The following LRBA variants were observed in gnomAD, a reference collection of about 807,000 sequenced individuals.
The protein encoded by LRBA is LPS responsive beige-like anchor protein.
In LRBA, 176 loss-of-function variants were observed where a neutral mutation model predicts 330.0. That is an observed-to-expected ratio of 0.53 (90% confidence interval 0.47 to 0.60). The LOEUF is 0.60. Ranked by LOEUF, LRBA falls within the 20% of genes least tolerant of loss-of-function variation. The pLI, the probability that LRBA is intolerant of heterozygous loss-of-function variation, is 0.00. For synonymous variants in LRBA, 1,230 were observed against 1,193.0 expected, an observed-to-expected ratio of 1.03 and a Z score of -0.64; for missense variants, 3,259 against 3,444.8, an observed-to-expected ratio of 0.95 and a Z score of 1.35.
chr4:150,406,967 A>T (rs1403188217), intron 47 of LRBA, among the ~76,000 whole-genome samples: 2 of 152,090 alleles, frequency 1.3e-5, no homozygotes, highest in Non-Finnish European at 2.9e-5. Flanking sequence ...TTTTTAGTAG[A>T]GATGGGGTTT....
At chr4:150,732,495 G>A (rs967668998) in intron 36 of LRBA, among the ~76,000 whole-genome samples, 3 of 151,890 alleles carry the variant, frequency 2.0e-5, no homozygotes, top group Non-Finnish European at 4.4e-5. Flanking sequence ...TCTCTCAACC[G>A]AAGAACGGAA....
chr4:150,879,806 G>A (rs1036228432), intron 17 of LRBA, among the ~76,000 whole-genome samples: 8 of 152,096 alleles, frequency 5.3e-5, no homozygotes, highest in African/African-American at 1.9e-4. Flanking sequence ...TTATTTTAAT[G>A]GCCATACTGC....
intron 34 of LRBA, among the ~76,000 whole-genome samples, chr4:150,781,869 T>C (rs576646633): frequency 3.3e-5 from 5 of 152,194 alleles, no homozygotes; most frequent in African/African-American, 4.8e-5. Flanking sequence ...CAGTGCCTAA[T>C]TCAATTTTCC....
rs770012357 is a variant in LRBA at position 151,014,488 on chromosome 4, G to T, written c.155C>A (p.Thr52Asn). Reference sequence around the variant, plus strand: ...TACTTCTCCAACTTCAACCAAACCGGTCAACACGGCAAATTTCATTCTGAT... The same window carrying T: ...TACTTCTCCAACTTCAACCAAACCGTTCAACACGGCAAATTTCATTCTGAT... Reference protein sequence around the residue: ...RGIRMKFAVLTGLVEVGEVSN... With the variant: ...RGIRMKFAVLNGLVEVGEVSN... Residue 52 changes from threonine to asparagine, a missense_variant, in exon 2 of 57, where the codon ACC becomes AAC. Physicochemically the swap from Thr to Asn is moderately conservative, Grantham distance 65. Transcript: ENST00000651943. 6 of 1,614,070 alleles carry T rather than the reference G, an allele frequency of 3.7e-6. No homozygotes were observed. In the East Asian group the frequency reaches 1.3e-4, roughly 36 times the overall value.
intron 37 of LRBA, among the ~76,000 whole-genome samples, chr4:150,645,329 GC>G (rs1262264135): frequency 6.6e-6 from 1 of 151,494 alleles, no homozygotes; most frequent in Non-Finnish European, 1.5e-5. Context: ...AGGCAAAACA[GC>G]CCATATATGG....
At chr4:150,728,744 A>G (rs956713165) in intron 36 of LRBA, among the ~76,000 whole-genome samples, 2 of 152,174 alleles carry the variant, frequency 1.3e-5, no homozygotes, top group Non-Finnish European at 2.9e-5. Context: ...AACCAGTATC[A>G]TACTGAATGG....
intron 53 of LRBA, among the ~76,000 whole-genome samples, chr4:150,295,122 G>C (rs1480701095): frequency 6.6e-6 from 1 of 151,556 alleles, no homozygotes; most frequent in Non-Finnish European, 1.5e-5. Context: ...CTAATATTTG[G>C]CAGCCTAGAG....
chr4:150,315,355 G>T, intron 51 of LRBA: 1 of 632,672 alleles, frequency 1.6e-6, no homozygotes, highest in Admixed American at 2.5e-5. Context: ...ACGCGTCCTA[G>T]GCCTGTTCAA....
chr4:150,834,510 GAA>G (rs1747697416), intron 28 of LRBA, among the ~76,000 whole-genome samples: 1 of 152,152 alleles, frequency 6.6e-6, no homozygotes, highest in Admixed American at 6.6e-5. Flanking sequence ...GTAATAATTT[GAA>G]AAGACTCTTT....
At chr4:150,795,336 A>T (rs1248732108) in intron 34 of LRBA, among the ~76,000 whole-genome samples, 2 of 152,120 alleles carry the variant, frequency 1.3e-5, no homozygotes. Context: ...CACACAAGTA[A>T]GTTGCATGTT....
At chr4:150,443,776 A>ACATGG (rs1752162006) in intron 44 of LRBA, among the ~76,000 whole-genome samples, 1 of 150,894 alleles carries the variant, frequency 6.6e-6, no homozygotes, top group East Asian at 2.0e-4. Flanking sequence ...CAGCACACCA[A>ACATGG]CATGGCACAT....
intron 51 of LRBA, among the ~76,000 whole-genome samples, chr4:150,313,945 C>G (rs1414442007): frequency 6.6e-6 from 1 of 151,476 alleles, no homozygotes; most frequent in East Asian, 1.9e-4. Flanking sequence ...TGACCTGTCA[C>G]ATGAGGTCAG....
chr4:150,685,420 A>ATATATATTTTTTTTTTTTT (rs1561514146), intron 36 of LRBA, among the ~76,000 whole-genome samples: 1 of 17,436 alleles, frequency 5.7e-5, no homozygotes, highest in Non-Finnish European at 9.2e-5. Context: ...ATATATATAT[A>ATATATATTTTTTTTTTTTT]TTTTTTTTTT....
At chr4:150,858,383 C>CT (rs111957809) in intron 22 of LRBA, among the ~76,000 whole-genome samples, 121 of 142,682 alleles carry the variant, frequency 8.5e-4, no homozygotes, top group African/African-American at 1.7e-3. Context: ...CTCTCTTTTT[C>CT]TTTTTTTTTT....
At chr4:150,489,893 G>T (rs927825042) in intron 41 of LRBA, among the ~76,000 whole-genome samples, 4 of 149,806 alleles carry the variant, frequency 2.7e-5, no homozygotes, top group Non-Finnish European at 4.5e-5. Flanking sequence ...AGATGGTCAA[G>T]GCCACGAGGC....
chr4:150,285,046 T>A (rs1466763479), intron 54 of LRBA, among the ~76,000 whole-genome samples: 1 of 152,170 alleles, frequency 6.6e-6, no homozygotes, highest in Non-Finnish European at 1.5e-5. Flanking sequence ...GGTTATAGAA[T>A]TATTGCTATC....
chr4:150,624,777 G>A (rs1317928242), intron 37 of LRBA, among the ~76,000 whole-genome samples: 1 of 151,974 alleles, frequency 6.6e-6, no homozygotes, highest in Non-Finnish European at 1.5e-5. Context: ...ACTCCACATT[G>A]TATATATATT....
intron 40 of LRBA, among the ~76,000 whole-genome samples, chr4:150,535,790 T>C (rs1009019385): frequency 2.0e-5 from 3 of 152,194 alleles, no homozygotes; most frequent in Non-Finnish European, 4.4e-5. Flanking sequence ...TAAAATACTT[T>C]CGTTCTTAAG....
At chr4:150,861,656 A>G (rs1751954157) in intron 22 of LRBA, among the ~76,000 whole-genome samples, 1 of 152,206 alleles carries the variant, frequency 6.6e-6, no homozygotes, top group African/African-American at 2.4e-5. Context: ...CTGTAAATAT[A>G]GGCTACACTA....
Sources: allele counts gnomAD v4.1 joint callset (sites outside exome capture counted in the v4.1 genomes callset), GRCh38; gene constraint gnomAD v4.1.1; transcripts MANE v1.5; gene names NCBI Gene and HGNC (gene_info 2026-07-23, HGNC 2026-07-21).